DDR2: variants seen among roughly 807,000 people sequenced by gnomAD.
DDR2 encodes discoidin domain receptor tyrosine kinase 2.
In DDR2, 27 loss-of-function variants were observed where a neutral mutation model predicts 94.9. The ratio of observed to expected loss-of-function variants is 0.28; its 90% CI spans 0.21 to 0.39. The LOEUF is 0.39. Among genes scored for constraint, DDR2 ranks in the 10% least tolerant of loss-of-function variants. The pLI is 1.00. For missense variants in DDR2, 783 were observed against 1,076.0 expected, an observed-to-expected ratio of 0.73 and a Z score of 3.81; for synonymous variants, 382 against 377.2, an observed-to-expected ratio of 1.01 and a Z score of -0.15.
At chr1:162,634,560 G>A (rs953341506) in intron 1 of DDR2, among the ~76,000 whole-genome samples, 1 of 152,224 alleles carries the variant, frequency 6.6e-6, no homozygotes, top group African/African-American at 2.4e-5. Context: ...GGATTTGGAT[G>A]TGTGTGAAAC....
chr1:162,713,978 A>G (rs1282736100), intron 2 of DDR2, among the ~76,000 whole-genome samples: 1 of 152,136 alleles, frequency 6.6e-6, no homozygotes, highest in Non-Finnish European at 1.5e-5. Flanking sequence ...TTATATTATC[A>G]CACTTTAAAA....
intron 9 of DDR2, among the ~76,000 whole-genome samples, chr1:162,762,132 G>C (rs928024418): frequency 2.0e-5 from 3 of 152,090 alleles, no homozygotes; most frequent in African/African-American, 7.2e-5. Flanking sequence ...TCAAAATAAG[G>C]ATCTGTTGGT....
At chr1:162,660,623 A>C (rs1166375401) in intron 2 of DDR2, among the ~76,000 whole-genome samples, 1 of 152,200 alleles carries the variant, frequency 6.6e-6, no homozygotes, top group African/African-American at 2.4e-5. Context: ...GTAATGATCA[A>C]ACAACCAGAT....
intron 2 of DDR2, among the ~76,000 whole-genome samples, chr1:162,693,584 A>G (rs1036649833): frequency 2.0e-5 from 3 of 152,192 alleles, no homozygotes; most frequent in African/African-American, 7.2e-5. Flanking sequence ...GAACAGACAA[A>G]TGTATAACAA....
chr1:162,741,278 A>ATAGTATAATGTAATGTAATGTAATG (rs1558057695), intron 3 of DDR2, among the ~76,000 whole-genome samples: 1 of 127,054 alleles, frequency 7.9e-6, no homozygotes, highest in African/African-American at 3.0e-5. Flanking sequence ...ATAATATAAT[A>ATAGTATAATGTAATGTAATGTAATG]TAATATAATA....
chr1:162,642,204 G>C (rs925670830), intron 1 of DDR2, among the ~76,000 whole-genome samples: 1 of 152,054 alleles, frequency 6.6e-6, no homozygotes. Flanking sequence ...TGATCCACCC[G>C]CCATGGCTTC....
At chr1:162,669,006 T>G (rs549868144) in intron 2 of DDR2, among the ~76,000 whole-genome samples, 31 of 152,324 alleles carry the variant, frequency 2.0e-4, no homozygotes, top group African/African-American at 7.5e-4. Flanking sequence ...CTGACATGAT[T>G]TAAATACCTA....
chr1:162,722,441 C>A (rs1270434567), intron 3 of DDR2, among the ~76,000 whole-genome samples: 1 of 152,188 alleles, frequency 6.6e-6, no homozygotes, highest in Non-Finnish European at 1.5e-5. Context: ...GGAACTGGAA[C>A]CTAATCATCA....
intron 2 of DDR2, among the ~76,000 whole-genome samples, chr1:162,685,803 G>A (rs920048618): frequency 6.6e-6 from 1 of 152,074 alleles, no homozygotes; most frequent in Admixed American, 6.6e-5. Context: ...TATGAAGAAG[G>A]ATTTATCATT....
intron 1 of DDR2, among the ~76,000 whole-genome samples, chr1:162,643,963 C>A (rs1295648821): frequency 1.3e-5 from 2 of 152,104 alleles, no homozygotes; most frequent in African/African-American, 2.4e-5. Context: ...ATATTTGTTA[C>A]CCGCAGACTG....
chr1:162,753,636 G>A lies in DDR2; in HGVS notation c.185+439G>A, dbSNP rs886071537. Among the ~76,000 whole-genome samples, 3 of 152,224 alleles carry A rather than the reference G, an allele frequency of 2.0e-5. 1 individual carries two copies. Among genetic ancestry groups the A allele is most frequent in the East Asian group, 3.9e-4 (2 of 5,166 alleles). ...ACTGCAAAGCATCACTCACTGCCAAGCATCAAGACACTGAGGCCTCCAACA... is the reference window on the plus strand; with the variant it reads ...ACTGCAAAGCATCACTCACTGCCAAACATCAAGACACTGAGGCCTCCAACA... On this transcript the variant is annotated intron_variant, in intron 4 of 17. Transcript: ENST00000367921.
chr1:162,639,944 T>C (rs2101886757), intron 1 of DDR2, among the ~76,000 whole-genome samples: 1 of 152,310 alleles, frequency 6.6e-6, no homozygotes, highest in East Asian at 1.9e-4. Flanking sequence ...CTGTGGTTAC[T>C]ACAATGGTGG....
chr1:162,674,547 C>G (rs1238782190), intron 2 of DDR2, among the ~76,000 whole-genome samples: 1 of 152,228 alleles, frequency 6.6e-6, no homozygotes, highest in Admixed American at 6.5e-5. Flanking sequence ...AACCTGCTTT[C>G]ATAAGTAATC....
At chr1:162,673,608 T>TGTGA (rs35122244) in intron 2 of DDR2, among the ~76,000 whole-genome samples, 35 of 117,244 alleles carry the variant, frequency 3.0e-4, no homozygotes, top group South Asian at 2.2e-3. Flanking sequence ...TGTGTGTGTG[T>TGTGA]GAGAGAGAGA....
chr1:162,744,771 T>C (rs1462745689), intron 3 of DDR2, among the ~76,000 whole-genome samples: 1 of 152,206 alleles, frequency 6.6e-6, no homozygotes, highest in Admixed American at 6.5e-5. Flanking sequence ...ATTTGTGTTG[T>C]TTCCATGTCT....
intron 3 of DDR2, among the ~76,000 whole-genome samples, chr1:162,735,428 A>G (rs1228202100): frequency 4.6e-5 from 7 of 152,100 alleles, no homozygotes; most frequent in Admixed American, 4.6e-4. Context: ...TGGTTAATAC[A>G]CTGTTTGCTA....
chr1:162,726,780 G>A (rs1021207712), intron 3 of DDR2, among the ~76,000 whole-genome samples: 4 of 152,038 alleles, frequency 2.6e-5, no homozygotes, highest in African/African-American at 7.2e-5. Context: ...CAACAGTGTT[G>A]GCAGGAGCAG....
intron 3 of DDR2, among the ~76,000 whole-genome samples, chr1:162,726,853 C>A (rs537444554): frequency 1.2e-4 from 18 of 152,100 alleles, no homozygotes; most frequent in African/African-American, 4.3e-4. Flanking sequence ...TAGGTCCGTG[C>A]ATCACTGCTG....
At chr1:162,767,807 G>GGTGTGTGT (rs145645107) in intron 11 of DDR2, among the ~76,000 whole-genome samples, 1 of 149,458 alleles carries the variant, frequency 6.7e-6, no homozygotes, top group African/African-American at 2.5e-5. Context: ...TTGTCTGTTT[G>GGTGTGTGT]GTGTGTGTGT....
Sources: allele counts gnomAD v4.1 joint callset (sites outside exome capture counted in the v4.1 genomes callset), GRCh38; gene constraint gnomAD v4.1.1; transcripts MANE v1.5; gene names NCBI Gene and HGNC (gene_info 2026-07-23, HGNC 2026-07-21).